MMP15: variants seen among roughly 807,000 people sequenced by gnomAD.
The protein encoded by MMP15 is matrix metalloproteinase-15.
Under a neutral mutation model 65.0 loss-of-function variants are expected in MMP15, and 36 were observed. The observed-to-expected ratio is 0.55, with a 90% CI of 0.42 to 0.73. The LOEUF is 0.73. MMP15 is among the 30% of genes least tolerant of loss of function. The pLI is 0.00. For missense variants in MMP15, 870 were observed against 987.8 expected (o/e 0.88, Z 1.60); for synonymous variants, 428 against 410.2 (o/e 1.04, Z -0.52).
chr16:58,026,365 G>C lies in MMP15; in HGVS notation c.15G>C (p.Pro5=). The change falls in exon 1 of 10, where the codon CCG becomes CCC. Residue 5 remains proline (P), a synonymous_variant. Transcript: ENST00000219271. MGSD[P]SAPGRPGWTG... is the part of the protein sequence containing the mutation. ...GCGCCGAGAGCATGGGCAGCGACCC[G>C]AGCGCGCCCGGACGGCCGGGCTGGA... 7.3e-7 allele frequency: 1 copy of C among 1,364,576 alleles called. No homozygotes were observed. Among genetic ancestry groups the C allele is most frequent in the Non-Finnish European group, 9.4e-7 (1 of 1,066,506 alleles). The allele number at this position is 1,364,576 out of a possible 1,614,324, so 84.5% of individuals were successfully genotyped here.
Position 58,045,250 on chromosome 16 carries a change from T to G in MMP15, c.1814T>G (p.Val605Gly), listed in dbSNP as rs781553307. The G allele has an allele frequency of 3.7e-6, 6 of 1,607,134 alleles. No homozygotes were observed. In the African/African-American group the frequency reaches 4.0e-5, roughly 11 times the overall value. ...GDGDGDFGAGVNKDGGSRVVV... is the reference protein window; with the variant it reads ...GDGDGDFGAGGNKDGGSRVVV... ...GGGGATGGGGACTTTGGGGCCGGGG[T>G]CAACAAGGACGGGGGCAGCCGCGTG... The change falls in exon 10 of 10, where the codon GTC becomes GGC. Residue 605 changes from valine to glycine, a missense_variant. Transcript: ENST00000219271.
Position 58,039,866 on chromosome 16 carries a change from C to T in MMP15, c.441-9C>T, listed in dbSNP as rs775055888. 8.2e-6 allele frequency: 13 copies of T among 1,586,020 alleles called. No homozygotes were observed. The highest frequency in any genetic ancestry group is 1.1e-5 in the South Asian group (1 of 88,022). On this transcript the variant is annotated splice_polypyrimidine_tract_variant and intron_variant, in intron 3 of 9. Coordinates refer to ENST00000219271, the MANE Select transcript of MMP15 (RefSeq NM_002428.4). ...TGCATCCGCTCACTCATCTCCCACCCACCCCCAGCATCCAGAACTACACGG... is the reference window on the plus strand; with the variant it reads ...TGCATCCGCTCACTCATCTCCCACCTACCCCCAGCATCCAGAACTACACGG...
chr16:58,037,749 TC>T, intron 2 of MMP15, 129 bp downstream of exon 2: 1 of 1,331,162 alleles, frequency 7.5e-7, no homozygotes, highest in Non-Finnish European at 1.0e-6. Flanking sequence ...GGTTTGGTCC[TC>T]CATGTCACTT....
chr16:58,045,454 G>C lies in MMP15; in HGVS notation c.*8G>C, dbSNP rs1265153547. The C allele has an allele frequency of 4.0e-6, 6 of 1,509,084 alleles. No individual in the cohort carries two copies. The Admixed American group carries it at 6.2e-5, about 16-fold the overall frequency. 93.5% of individuals were successfully genotyped at this position (1,509,084 alleles called of 1,614,324 possible). A position where few individuals can be genotyped will look rare whatever the true frequency, so the allele number is the denominator to read the frequency against. The stretch of plus-strand genomic sequence containing the variant: ...CTGCAGGAGTGGGTCTGACCACCCA[G>C]CGCTCCTGCTAACGGTGCTCAGGGG... On this transcript the variant is annotated 3_prime_UTR_variant, in exon 10 of 10. Coordinates refer to ENST00000219271, the MANE Select transcript of MMP15 (RefSeq NM_002428.4).
chr16:58,026,439 T>C lies in MMP15; in HGVS notation c.89T>C (p.Leu30Pro). 6.9e-7 allele frequency: 1 copy of C among 1,452,650 alleles called. No homozygotes were observed. Among genetic ancestry groups the C allele is most frequent in the South Asian group, 1.4e-5 (1 of 73,970 alleles). 90.0% of individuals were successfully genotyped at this position (1,452,650 alleles called of 1,614,324 possible). A position where few individuals can be genotyped will look rare whatever the true frequency, so the allele number is the denominator to read the frequency against. ...GAGGAGGCGGCGCGGCCGCGACTGC[T>C]GCCGCTGCTCCTGGTGCTTCTGGGC... ...DREEAARPRLLPLLLVLLGCL... is the reference protein window; with the variant it reads ...DREEAARPRLPPLLLVLLGCL... Residue 30 changes from leucine (L) to proline (P), a missense_variant, in exon 1 of 10, where the codon CTG (leucine) becomes CCG (proline). By Grantham distance (98) the Leu-to-Pro change is moderately conservative. Transcript: ENST00000219271.
At chr16:58,028,141 T>G (rs1963848561) in intron 1 of MMP15, among the ~76,000 whole-genome samples, 1 of 152,196 alleles carries the variant, frequency 6.6e-6, no homozygotes, top group African/African-American at 2.4e-5. Flanking sequence ...TGCAGGGACC[T>G]GTAGTTGGAG....
At chr16:58,035,064 C>T (rs1462374351) in intron 1 of MMP15, among the ~76,000 whole-genome samples, 1 of 152,150 alleles carries the variant, frequency 6.6e-6, no homozygotes, top group African/African-American at 2.4e-5. Flanking sequence ...GGCAGCCAGT[C>T]CCCCGCCACT....
chr16:58,039,103 A>C (rs1419355252), intron 3 of MMP15, among the ~76,000 whole-genome samples: 1 of 152,238 alleles, frequency 6.6e-6, no homozygotes, highest in Non-Finnish European at 1.5e-5. Context: ...CTGTGAAGAA[A>C]GTACCACACA....
chr16:58,038,542 C>G (rs1959382811), intron 3 of MMP15, 148 bp downstream of exon 3: 1 of 1,048,382 alleles, frequency 9.5e-7, no homozygotes, highest in African/African-American at 1.6e-5. Flanking sequence ...CAGGCAGTCT[C>G]CCTCGAGGGA....
intron 5 of MMP15, among the ~76,000 whole-genome samples, chr16:58,041,308 C>T (rs929035512): frequency 1.3e-4 from 20 of 152,104 alleles, no homozygotes; most frequent in African/African-American, 2.7e-4. Flanking sequence ...GAGTCCAAAA[C>T]GCCTGAAGCC....
Position 58,040,036 on chromosome 16 carries a change from T to C in MMP15, c.602T>C (p.Phe201Ser). 1 of 1,614,158 alleles carries C rather than the reference T, an allele frequency of 6.2e-7. No homozygotes were observed. The highest frequency in any genetic ancestry group is 8.5e-7 in the Non-Finnish European group (1 of 1,180,050). Residue 201 changes from phenylalanine (F) to serine (S), a missense_variant, in exon 4 of 10, where the codon TTT becomes TCT. By Grantham distance (155) the Phe-to-Ser change is radical. Coordinates refer to ENST00000219271, the MANE Select transcript of MMP15 (RefSeq NM_002428.4). ...AAGGAGGCCGACATCATGGTACTCT[T>C]TGCCTCTGGCTTCCACGGCGACAGC... The part of the protein sequence containing the change: ...RQKEADIMVL[F>S]ASGFHGDSSP...
intron 1 of MMP15, among the ~76,000 whole-genome samples, chr16:58,036,231 C>G (rs1455136539): frequency 1.3e-5 from 2 of 152,180 alleles, no homozygotes; most frequent in African/African-American, 4.8e-5. Flanking sequence ...CTCACTGCCT[C>G]CCATGGCGGT....
At chr16:58,043,069 T>C (rs2142331450) in intron 7 of MMP15, 141 bp from the exon 8 acceptor site, 3 of 780,912 alleles carry the variant, frequency 3.8e-6, no homozygotes, top group Non-Finnish European at 5.9e-6. Flanking sequence ...GCATGTGATG[T>C]GCGGGTGACC....
rs561291546 is a variant in MMP15, at chr16:58,039,935, C to T, written c.501C>T (p.Ala167=). 1.5e-5 allele frequency: 25 copies of T among 1,613,324 alleles called. No homozygotes were observed. Among genetic ancestry groups the T allele is most frequent in the East Asian group, 4.5e-5 (2 of 44,860 alleles). ...WYHSMEAVRR[A]FRVWEQATPL... is the part of the protein sequence containing the mutation. ...ACTCGATGGAGGCGGTGCGCAGGGC[C>T]TTCCGCGTGTGGGAGCAGGCCACGC... is the stretch of plus-strand genomic sequence containing the variant. The change falls in exon 4 of 10, where the codon GCC becomes GCT. Residue 167 remains alanine (A), a synonymous_variant. Coordinates refer to ENST00000219271, the MANE Select transcript of MMP15 (RefSeq NM_002428.4).
intron 3 of MMP15, among the ~76,000 whole-genome samples, chr16:58,038,752 C>G (rs1429228985): frequency 6.6e-6 from 1 of 152,210 alleles, no homozygotes; most frequent in Non-Finnish European, 1.5e-5. Context: ...ATCCTTGGAT[C>G]AGGGGCCCTC....
chr16:58,030,943 G>A (rs1049485104), intron 1 of MMP15, among the ~76,000 whole-genome samples: 5 of 152,184 alleles, frequency 3.3e-5, no homozygotes, highest in African/African-American at 4.8e-5. Context: ...AACACTAAAC[G>A]CTATGCACAA....
At chr16:58,032,599 C>T (rs41358044) in intron 1 of MMP15, among the ~76,000 whole-genome samples, 2 of 152,336 alleles carry the variant, frequency 1.3e-5, no homozygotes, top group East Asian at 3.9e-4. Context: ...GCCCTGTGGG[C>T]CTGGAGTGTG....
chr16:58,041,450 A>T (rs1315138058), intron 5 of MMP15, among the ~76,000 whole-genome samples, 167 bp from the exon 6 acceptor site: 6 of 151,920 alleles, frequency 3.9e-5, no homozygotes, highest in Non-Finnish European at 7.4e-5. Context: ...GGCTAGAAGG[A>T]GGAGGACCCA....
At chr16:58,035,082 C>T (rs1250156690) in intron 1 of MMP15, among the ~76,000 whole-genome samples, 1 of 152,230 alleles carries the variant, frequency 6.6e-6, no homozygotes, top group African/African-American at 2.4e-5. Context: ...ACTCCCCCGG[C>T]CTCCAGCTGC....
Sources: allele counts gnomAD v4.1 joint callset (sites outside exome capture counted in the v4.1 genomes callset), GRCh38; gene constraint gnomAD v4.1.1; transcripts MANE v1.5; gene names NCBI Gene and HGNC (gene_info 2026-07-23, HGNC 2026-07-21).